CFI: variants seen among roughly 807,000 people sequenced by gnomAD.
CFI encodes the protein C3B/C4B inactivator.
A neutral mutation model predicts 78.8 loss-of-function variants in CFI; 66 were observed. That is an observed-to-expected ratio of 0.84 (90% CI 0.69 to 1.03). The LOEUF is 1.03. Among genes scored for constraint, CFI ranks in the 50% least tolerant of loss-of-function variants. CFI has a pLI of 0.00. For synonymous variants in CFI, 250 were observed against 232.6 expected (o/e 1.07, Z -0.68); for missense variants, 706 against 704.5 (o/e 1.00, Z -0.02).
chr4:109,799,569 A>C (rs1732498430), intron 1 of CFI, among the ~76,000 whole-genome samples: 1 of 152,192 alleles, frequency 6.6e-6, no homozygotes. Context: ...AGATACATGA[A>C]GAAATTGTAA....
Position 109,760,291 on chromosome 4 carries a change from C to T in CFI, c.862G>A (p.Glu288Lys), listed in dbSNP as rs1355835737. 1.2e-6 allele frequency: 2 copies of T among 1,613,780 alleles called. No homozygotes were observed. Among genetic ancestry groups the T allele is most frequent in the East Asian group, 2.2e-5 (1 of 44,882 alleles). Residue 288 changes from glutamate (E) to lysine (K), a missense_variant, in exon 6 of 13, where the codon GAA becomes AAA. Coordinates refer to ENST00000394634, the MANE Select transcript of CFI (RefSeq NM_000204.5). ...CNGEVDCITG[E>K]DEVGCAGFAS... ...TTACCTGCACAGCCAACTTCATCTTCCCCTGTAATGCAGTCCACCTCACCA... is the reference window on the plus strand; with the variant it reads ...TTACCTGCACAGCCAACTTCATCTTTCCCTGTAATGCAGTCCACCTCACCA...
intron 1 of CFI, among the ~76,000 whole-genome samples, chr4:109,792,612 TTC>T (rs1173878939): frequency 2.2e-4 from 33 of 152,210 alleles, no homozygotes; most frequent in Non-Finnish European, 2.9e-5. Context: ...AATTGTCTGT[TTC>T]TCTCTTTTAT....
At chr4:109,787,389 C>G (rs532777975) in intron 1 of CFI, among the ~76,000 whole-genome samples, 2 of 152,150 alleles carry the variant, frequency 1.3e-5, no homozygotes, top group East Asian at 3.9e-4. Flanking sequence ...AATTTTTCTT[C>G]CACTTTTTTC....
chr4:109,774,222 T>C (rs1412917600), intron 1 of CFI, among the ~76,000 whole-genome samples: 12 of 152,216 alleles, frequency 7.9e-5, no homozygotes, highest in Admixed American at 7.9e-4. Context: ...TACATTCTAG[T>C]AGGCAAGACA....
At chr4:109,795,804 T>G (rs1299644897) in intron 1 of CFI, among the ~76,000 whole-genome samples, 1 of 152,122 alleles carries the variant, frequency 6.6e-6, no homozygotes, top group Non-Finnish European at 1.5e-5. Flanking sequence ...TATTTGAAAT[T>G]ATATGGTCAG....
chr4:109,767,659 T>C (rs7673526), intron 1 of CFI, among the ~76,000 whole-genome samples: 143,177 of 147,542 alleles, frequency 0.97, 69,611 homozygotes, highest in East Asian at 1. Context: ...TGTGGAGCAA[T>C]AGGAACACTT....
At chr4:109,756,197 G>C (rs927337797) in intron 7 of CFI, among the ~76,000 whole-genome samples, 2 of 151,934 alleles carry the variant, frequency 1.3e-5, no homozygotes, top group African/African-American at 4.8e-5. Context: ...GGATAAATGA[G>C]TCAAACAAGA....
At chr4:109,734,946 G>A in the CFI span, among the ~76,000 whole-genome samples, 1 of 152,186 alleles carries the variant, frequency 6.6e-6, no homozygotes, top group African/African-American at 2.4e-5. Flanking sequence ...GGGTGGCCAA[G>A]ACTGGCTTTC....
chr4:109,760,850 C>T (rs941778606), intron 4 of CFI, among the ~76,000 whole-genome samples: 1 of 152,110 alleles, frequency 6.6e-6, no homozygotes, highest in Non-Finnish European at 1.5e-5. Flanking sequence ...CTCTGAAAGT[C>T]AGTATTAATT....
intron 1 of CFI, among the ~76,000 whole-genome samples, chr4:109,774,101 A>G (rs1200137976): frequency 6.6e-6 from 1 of 152,268 alleles, no homozygotes; most frequent in Non-Finnish European, 1.5e-5. Flanking sequence ...ATTTAAACAT[A>G]GATTATCACT....
Position 109,740,906 on chromosome 4 carries a change from T to C in CFI, c.1739A>G (p.Gln580Arg). 1 of 1,613,832 alleles carries C rather than the reference T, an allele frequency of 6.2e-7. No homozygotes were observed. Among genetic ancestry groups the C allele is most frequent in the Non-Finnish European group, 8.5e-7 (1 of 1,179,704 alleles). ...SYHVGRPFIS[Q>R]YNV ...GAGATCACAATTTTATACATTGTACTGAGAAATAAAAGGCCTTCCTACATG... is the reference window on the plus strand; with the variant it reads ...GAGATCACAATTTTATACATTGTACCGAGAAATAAAAGGCCTTCCTACATG... The change falls in exon 13 of 13, where the codon CAG becomes CGG. Residue 580 changes from glutamine to arginine, a missense_variant. Coordinates refer to ENST00000394634, the MANE Select transcript of CFI (RefSeq NM_000204.5).
chr4:109,785,790 A>AT (rs1025395259), intron 1 of CFI, among the ~76,000 whole-genome samples: 54 of 152,116 alleles, frequency 3.5e-4, no homozygotes, highest in African/African-American at 1.2e-3. Context: ...TAGCGAGTGA[A>AT]TTCTTACAAG....
intron 1 of CFI, among the ~76,000 whole-genome samples, chr4:109,792,912 C>A (rs934888897): frequency 6.6e-6 from 1 of 152,224 alleles, no homozygotes; most frequent in African/African-American, 2.4e-5. Flanking sequence ...AAAACTGATT[C>A]TGCCAATCTC....
rs185557123 is a variant in CFI at position 109,775,619 on chromosome 4, A to G, written c.58-8795T>C. Among the ~76,000 whole-genome samples, 834 of 152,270 alleles carry G rather than the reference A, an allele frequency of 5.5e-3. 9 individuals carry two copies. Among genetic ancestry groups the G allele is most frequent in the African/African-American group, 0.019 (779 of 41,564 alleles). ...GCAGCAGAAACTTCTGCAGACTTAA[A>G]TGTCCCTGTCTGACAGCTTTGAAGA... On this transcript the variant is annotated intron_variant, in intron 1 of 12. Coordinates refer to ENST00000394634, the MANE Select transcript of CFI (RefSeq NM_000204.5).
Position 109,766,635 on chromosome 4 carries a change from G to C in CFI, c.247C>G (p.Pro83Ala), listed in dbSNP as rs1727791501. The change falls in exon 2 of 13, where the codon CCA (proline) becomes GCA (alanine). Residue 83 changes from proline to alanine, a missense_variant. Pro to Ala is a conservative substitution (Grantham distance 27). Transcript: ENST00000394634. ...AVCATNRRSFPTYCQQKSLEC... is the reference protein window; with the variant it reads ...AVCATNRRSFATYCQQKSLEC... ...AAACTCTTTTGTTGACAGTATGTTGGGAAGCTTCTCCTGTTAGTTGCACAC... is the reference window on the plus strand; with the variant it reads ...AAACTCTTTTGTTGACAGTATGTTGCGAAGCTTCTCCTGTTAGTTGCACAC... 6.2e-7 allele frequency: 1 copy of C among 1,614,158 alleles called. No homozygotes were observed. The highest frequency in any genetic ancestry group is 1.3e-5 in the African/African-American group (1 of 75,034).
chr4:109,761,515 A>G lies in CFI; in HGVS notation c.658+2T>C, dbSNP rs766648106. 2 of 1,614,046 alleles carry G rather than the reference A, an allele frequency of 1.2e-6. No individual in the cohort carries two copies. The highest frequency in any genetic ancestry group is 1.7e-5 in the Admixed American group (1 of 60,028). ...AAAATAACAGGCAAATACTCCACCA[A>G]CCTGCTTTCTGTGTATAACAAACCA... On this transcript the variant is annotated splice_donor_variant, in intron 4 of 12. Transcript: ENST00000394634. LOFTEE classifies it high-confidence loss of function.
intron 1 of CFI, among the ~76,000 whole-genome samples, chr4:109,775,385 G>A (rs1013019697): frequency 4.6e-5 from 7 of 152,166 alleles, no homozygotes; most frequent in Non-Finnish European, 5.9e-5. Flanking sequence ...CCACACCCAC[G>A]GAGCCCCACT....
intron 10 of CFI, among the ~76,000 whole-genome samples, chr4:109,747,233 T>C (rs1186444350): frequency 6.6e-6 from 1 of 152,226 alleles, no homozygotes; most frequent in Non-Finnish European, 1.5e-5. Flanking sequence ...TTGCCTAAGC[T>C]GGAGTACAGT....
intron 10 of CFI, among the ~76,000 whole-genome samples, chr4:109,748,602 A>G (rs1724758164): frequency 6.6e-6 from 1 of 152,168 alleles, no homozygotes; most frequent in African/African-American, 2.4e-5. Context: ...CATTTCTGGC[A>G]GGGGAAACAA....
Sources: gnomAD v4.1 joint callset for allele counts (sites outside exome capture counted in the v4.1 genomes callset) on GRCh38, gnomAD v4.1.1 for gene constraint, MANE v1.5 for transcripts, NCBI Gene and HGNC (gene_info 2026-07-23, HGNC 2026-07-21) for gene names.